The following RASD1 variants were observed in gnomAD, a reference collection of about 807,000 sequenced individuals.
The protein encoded by RASD1 is ras related dexamethasone induced 1, also known as dexamethasone-induced Ras-related protein 1.
In RASD1, 13 loss-of-function variants were observed where a neutral mutation model predicts 16.7. The observed-to-expected ratio is 0.78, with a 90% CI of 0.51 to 1.24. The LOEUF is 1.24. Ranked by LOEUF, RASD1 falls within the 50% of genes most tolerant of loss-of-function variation. RASD1 has a pLI of 0.00. For synonymous variants in RASD1, 170 were observed against 172.6 expected, an observed-to-expected ratio of 0.98 and a Z score of 0.12; for missense variants, 397 against 407.5, an observed-to-expected ratio of 0.97 and a Z score of 0.22.
chr17:17,494,941 CTT>C lies in RASD1; in HGVS notation c.*182_*183del. On this transcript the variant is annotated 3_prime_UTR_variant, in exon 2 of 2. Coordinates refer to ENST00000225688, the MANE Select transcript of RASD1 (RefSeq NM_016084.5). ...AATAGTCCCAGTCTTGGCCCGTTCT[CTT>C]TCCTTCCGGAGCAGATGACCGTCCC... is the stretch of plus-strand genomic sequence containing the variant. 2.6e-6 allele frequency: 2 copies of C among 774,852 alleles called. No homozygotes were observed. The highest frequency in any genetic ancestry group is 4.0e-6 in the Non-Finnish European group (2 of 501,058). 48.0% of individuals were successfully genotyped at this position (774,852 alleles called of 1,614,324 possible). A position where few individuals can be genotyped will look rare whatever the true frequency, so the allele number is the denominator to read the frequency against.
At position 17,495,988 on chromosome 17, in the gene RASD1, T is replaced by C; in HGVS notation, c.194A>G (p.Tyr65Cys). ...CTGGTAGACCTCGCCGCGGATGGAG[T>C]AGAACTTGCGGTGGAAGTCCTCGAT... ...PTIEDFHRKF[Y>C]SIRGEVYQLD... Residue 65 changes from tyrosine to cysteine, a missense_variant, in exon 1 of 2, where the codon TAC becomes TGC. Tyr to Cys is a radical substitution (Grantham distance 194, BLOSUM62 -2). Coordinates refer to ENST00000225688, the MANE Select transcript of RASD1 (RefSeq NM_016084.5). 6.2e-7 allele frequency: 1 copy of C among 1,613,574 alleles called. No individual in the cohort carries two copies. The highest frequency in any genetic ancestry group is 8.5e-7 in the Non-Finnish European group (1 of 1,179,952).
intron 1 of RASD1, 25 bp from the exon 2 acceptor site, chr17:17,495,709 AAGG>A: frequency 6.3e-7 from 1 of 1,576,816 alleles, no homozygotes; most frequent in Non-Finnish European, 8.6e-7. Flanking sequence ...GAGAGCAGAA[AAGG>A]AGAAGGTGAG....
Position 17,495,078 on chromosome 17 carries a change from T to TTTA in RASD1, c.*46_*47insTAA, listed in dbSNP as rs748127705. 49 of 1,592,274 alleles carry TTTA rather than the reference T, an allele frequency of 3.1e-5. No individual in the cohort carries two copies. In the Middle Eastern group the frequency reaches 9.1e-4, roughly 30 times the overall value. ...GCGCACCGGGCCGTTGGATTTGACT[T>TTTA]AACAAAAAGGTCCTCCTTAGGTTGT... On this transcript the variant is annotated 3_prime_UTR_variant, in exon 2 of 2. Coordinates refer to ENST00000225688, the MANE Select transcript of RASD1 (RefSeq NM_016084.5).
At position 17,494,750 on chromosome 17, in the gene RASD1, C is replaced by T; in HGVS notation, c.*375G>A. 2 of 282,430 alleles carry T rather than the reference C, an allele frequency of 7.1e-6. No individual in the cohort carries two copies. Among genetic ancestry groups the T allele is most frequent in the South Asian group, 5.0e-5 (1 of 20,002 alleles). 17.5% of individuals were successfully genotyped at this position (282,430 alleles called of 1,614,324 possible). ...TGCCCCGTGGGTCCTGACCCTCAAGCGGGCATGACGGTTTCTTGAAGCCTA... is the reference window on the plus strand; with the variant it reads ...TGCCCCGTGGGTCCTGACCCTCAAGTGGGCATGACGGTTTCTTGAAGCCTA... On this transcript the variant is annotated 3_prime_UTR_variant, in exon 2 of 2. Transcript: ENST00000225688.
chr17:17,496,318 G>A lies in RASD1; in HGVS notation c.-137C>T. 1.1e-6 allele frequency: 1 copy of A among 944,682 alleles called. No individual in the cohort carries two copies. The highest frequency in any genetic ancestry group is 1.5e-6 in the Non-Finnish European group (1 of 665,096). The allele number at this position is 944,682 out of a possible 1,614,324, so 58.5% of individuals were successfully genotyped here. A position where few individuals can be genotyped will look rare whatever the true frequency, so the allele number is the denominator to read the frequency against. ...GGCGCGGCTCGGGCTTGGGGCTCCG[G>A]CTCCGCTCGGGCTGGGCTCGGGCTA... On this transcript the variant is annotated 5_prime_UTR_variant, in exon 1 of 2. Transcript: ENST00000225688.
rs572579851 is a variant in RASD1, at chr17:17,495,027, C to T, written c.*98G>A. On this transcript the variant is annotated 3_prime_UTR_variant, in exon 2 of 2. Coordinates refer to ENST00000225688, the MANE Select transcript of RASD1 (RefSeq NM_016084.5). Reference sequence around the variant, plus strand: ...GGCGGATCGCCGGGAGGGGAGACGCCAGTCCGCGCGCGCTCCCGGCCTGGG... The same window carrying T: ...GGCGGATCGCCGGGAGGGGAGACGCTAGTCCGCGCGCGCTCCCGGCCTGGG... 17 of 1,464,746 alleles carry T rather than the reference C, an allele frequency of 1.2e-5. No individual in the cohort carries two copies. The highest frequency in any genetic ancestry group is 2.3e-5 in the East Asian group (1 of 42,698). The allele number at this position is 1,464,746 out of a possible 1,614,324, so 90.7% of individuals were successfully genotyped here. A position where few individuals can be genotyped will look rare whatever the true frequency, so the allele number is the denominator to read the frequency against.
In RASD1 at chr17:17,494,610, A is replaced by T; in HGVS notation, c.*515T>A. 1 of 165,734 alleles carries T rather than the reference A, an allele frequency of 6.0e-6. No homozygotes were observed. Among genetic ancestry groups the T allele is most frequent in the Non-Finnish European group, 1.3e-5 (1 of 77,050 alleles). 10.3% of individuals were successfully genotyped at this position (165,734 alleles called of 1,614,324 possible). A position where few individuals can be genotyped will look rare whatever the true frequency, so the allele number is the denominator to read the frequency against. ...GTTTTGTGTTCCTTTGTGCAGTTTC[A>T]CTCACATGTAAACAAGTCACTTGGC... On this transcript the variant is annotated 3_prime_UTR_variant, in exon 2 of 2. Coordinates refer to ENST00000225688, the MANE Select transcript of RASD1 (RefSeq NM_016084.5).
intron 1 of RASD1, 54 bp from the exon 2 acceptor site, chr17:17,495,738 G>C (rs535099805): frequency 6.0e-6 from 9 of 1,511,958 alleles, no homozygotes; most frequent in Non-Finnish European, 7.1e-6. Flanking sequence ...CCGCCCAGGG[G>C]ACAAGTCGGG....
rs1905420639 is a variant in RASD1 at position 17,495,949 on chromosome 17, T to C, written c.233A>G (p.Asp78Gly). 2 of 1,612,090 alleles carry C rather than the reference T, an allele frequency of 1.2e-6. No individual in the cohort carries two copies. Among genetic ancestry groups the C allele is most frequent in the Non-Finnish European group, 1.7e-6 (2 of 1,179,936 alleles). Residue 78 changes from aspartate (D) to glycine (G), a missense_variant, in exon 1 of 2, where the codon GAC becomes GGC. By Grantham distance (94) the Asp-to-Gly change is moderately conservative (BLOSUM62 -1). Transcript: ENST00000225688. The stretch of plus-strand genomic sequence containing the variant: ...GGGGAACGGGTGGTTGCCGGACGTG[T>C]CGAGGATGTCGAGCTGGTAGACCTC... ...RGEVYQLDIL[D>G]TSGNHPFPAM...
At position 17,495,633 on chromosome 17, in the gene RASD1, T is replaced by C. The variant is rs760746228; in HGVS notation, c.338A>G (p.Glu113Gly). The change falls in exon 2 of 2, where the codon GAG (glutamate) becomes GGG (glycine). Residue 113 changes from glutamate (E) to glycine (G), a missense_variant. Transcript: ENST00000225688. ...FSLDNRDSFE[E>G]VQRLRQQILD... is the part of the protein sequence containing the mutation. ...GATCTGCTGCCTGAGCCGCTGCACC[T>C]CCTCGAAGGAGTCGCGGTTGTCCAG... 1 of 1,612,932 alleles carries C rather than the reference T, an allele frequency of 6.2e-7. No individual in the cohort carries two copies. Among genetic ancestry groups the C allele is most frequent in the Non-Finnish European group, 8.5e-7 (1 of 1,179,876 alleles).
intron 1 of RASD1, 64 bp downstream of exon 1, chr17:17,495,832 G>A: frequency 2.0e-6 from 3 of 1,498,320 alleles, no homozygotes; most frequent in Non-Finnish European, 2.7e-6. Context: ...ACCGGCGCTC[G>A]CGGGGCGCCC....
At position 17,495,070 on chromosome 17, in the gene RASD1, A is replaced by G. The variant is rs1905365719; in HGVS notation, c.*55T>C. On this transcript the variant is annotated 3_prime_UTR_variant, in exon 2 of 2. Coordinates refer to ENST00000225688, the MANE Select transcript of RASD1 (RefSeq NM_016084.5). ...GGCCTGGGGCGCACCGGGCCGTTGG[A>G]TTTGACTTAACAAAAAGGTCCTCCT... 3 of 1,587,152 alleles carry G rather than the reference A, an allele frequency of 1.9e-6. No individual in the cohort carries two copies. The highest frequency in any genetic ancestry group is 2.6e-6 in the Non-Finnish European group (3 of 1,168,642).
At position 17,496,019 on chromosome 17, in the gene RASD1, G is replaced by C. The variant is rs1905424382; in HGVS notation, c.163C>G (p.Pro55Ala). 6.2e-7 allele frequency: 1 copy of C among 1,613,998 alleles called. No homozygotes were observed. The highest frequency in any genetic ancestry group is 8.5e-7 in the Non-Finnish European group (1 of 1,180,036). ...LTGRFEDAYT[P>A]TIEDFHRKFY... is the part of the protein sequence containing the mutation. ...TTGCGGTGGAAGTCCTCGATGGTAGGCGTGTAGGCGTCCTCGAAGCGGCCG... is the reference window on the plus strand; with the variant it reads ...TTGCGGTGGAAGTCCTCGATGGTAGCCGTGTAGGCGTCCTCGAAGCGGCCG... The change falls in exon 1 of 2, where the codon CCT becomes GCT. Residue 55 changes from proline to alanine, a missense_variant. Transcript: ENST00000225688.
chr17:17,495,361 C>T lies in RASD1; in HGVS notation c.610G>A (p.Asp204Asn), dbSNP rs763481274. 3.8e-6 allele frequency: 6 copies of T among 1,584,396 alleles called. No homozygotes were observed. The African/African-American group carries it at 6.7e-5, about 18-fold the overall frequency. The change falls in exon 2 of 2, where the codon GAC becomes AAC. Residue 204 changes from aspartate to asparagine, a missense_variant. Transcript: ENST00000225688. ...MAKLPSEMSP[D>N]LHRKVSVQYC... is the part of the protein sequence containing the mutation. ...TGCACCGAGACCTTGCGGTGCAGGTCTGGGCTCATCTCGCTGGGCAGCTTG... is the reference window on the plus strand; with the variant it reads ...TGCACCGAGACCTTGCGGTGCAGGTTTGGGCTCATCTCGCTGGGCAGCTTG...
Position 17,496,291 on chromosome 17 carries a change from T to C in RASD1, c.-110A>G. ...AGCGGCTGGAGGGCTCTGCTCGGGC[T>C]GGGCGCGGCTCGGGCTTGGGGCTCC... On this transcript the variant is annotated 5_prime_UTR_variant, in exon 1 of 2. Transcript: ENST00000225688. The C allele has an allele frequency of 8.1e-7, 1 of 1,238,684 alleles. No homozygotes were observed. The highest frequency in any genetic ancestry group is 2.7e-5 in the East Asian group (1 of 37,128). 76.7% of individuals were successfully genotyped at this position (1,238,684 alleles called of 1,614,324 possible).
chr17:17,495,111 G>C lies in RASD1; in HGVS notation c.*14C>G, dbSNP rs376215329. The C allele has an allele frequency of 2.5e-6, 4 of 1,609,802 alleles. No individual in the cohort carries two copies. Among genetic ancestry groups the C allele is most frequent in the Middle Eastern group, 2.0e-4 (1 of 5,036 alleles). On this transcript the variant is annotated 3_prime_UTR_variant, in exon 2 of 2. Coordinates refer to ENST00000225688, the MANE Select transcript of RASD1 (RefSeq NM_016084.5). ...AGGTCCTCCTTAGGTTGTGTCGCCA[G>C]CGCGGCGGGGCTCCTAGCTGATGAC...
rs1397536038 is a variant in RASD1, at chr17:17,495,522, T to C, written c.449A>G (p.Asp150Gly). The C allele has an allele frequency of 5.0e-6, 8 of 1,612,414 alleles. No individual in the cohort carries two copies. The highest frequency in any genetic ancestry group is 6.8e-6 in the Non-Finnish European group (8 of 1,179,670). ...GCGCTGGTCCACCTCGCGGTAGAAG[T>C]CGCGGTCACCCTTGTTGCCGCAGAT... ...LVICGNKGDR[D>G]FYREVDQREI... is the part of the protein sequence containing the mutation. The change falls in exon 2 of 2, where the codon GAC becomes GGC. Residue 150 changes from aspartate (D) to glycine (G), a missense_variant. Asp to Gly is a moderately conservative substitution (Grantham distance 94). Coordinates refer to ENST00000225688, the MANE Select transcript of RASD1 (RefSeq NM_016084.5).
In RASD1 at chr17:17,494,865, G is replaced by T. The variant is rs1905355794; in HGVS notation, c.*260C>A. ...TAAATCCACCCTCGGCTGGGCCCTC[G>T]CTCCCAAAGTTATGGGGGTGGCGGG... On this transcript the variant is annotated 3_prime_UTR_variant, in exon 2 of 2. Coordinates refer to ENST00000225688, the MANE Select transcript of RASD1 (RefSeq NM_016084.5). 4 of 563,430 alleles carry T rather than the reference G, an allele frequency of 7.1e-6. No homozygotes were observed. The South Asian group carries it at 8.9e-5, about 12-fold the overall frequency. 34.9% of individuals were successfully genotyped at this position (563,430 alleles called of 1,614,324 possible).
Position 17,496,351 on chromosome 17 carries a change from C to A in RASD1, c.-170G>T, listed in dbSNP as rs2142485122. ...CGGGCTGGGCTCGGGCTAGGCTGGG[C>A]TCGGCTGGGGTTCTCCCAGGATCTG... On this transcript the variant is annotated 5_prime_UTR_variant, in exon 1 of 2. Transcript: ENST00000225688. The A allele has an allele frequency of 1.8e-5, 13 of 706,750 alleles. No individual in the cohort carries two copies. The highest frequency in any genetic ancestry group is 6.3e-5 in the South Asian group (3 of 47,278). 43.8% of individuals were successfully genotyped at this position (706,750 alleles called of 1,614,324 possible).
Sources: allele counts gnomAD v4.1 joint callset, GRCh38; gene constraint gnomAD v4.1.1; transcripts MANE v1.5; gene names NCBI Gene and HGNC (gene_info 2026-07-23, HGNC 2026-07-21).